The following RPS6KC1 variants were observed in gnomAD, a reference collection of about 807,000 sequenced individuals.
RPS6KC1 encodes the protein inactive ribosomal protein S6 kinase delta-1.
A neutral mutation model predicts 103.8 loss-of-function variants in RPS6KC1; 54 were observed. The observed-to-expected ratio is 0.52, with a 90% CI of 0.42 to 0.65. The LOEUF is 0.65. Ranked by LOEUF, RPS6KC1 falls within the 30% of genes least tolerant of loss-of-function variation. RPS6KC1 has a pLI of 0.00. For synonymous variants in RPS6KC1, 439 were observed against 438.7 expected (o/e 1.00, Z -0.01); for missense variants, 1,151 against 1,253.8 (o/e 0.92, Z 1.24).
the RPS6KC1 span, among the ~76,000 whole-genome samples, chr1:213,436,372 T>C: frequency 6.6e-6 from 1 of 151,898 alleles, no homozygotes; most frequent in South Asian, 2.1e-4. Flanking sequence ...AACTCTGTGA[T>C]AGAATTATAA....
chr1:213,367,011 A>G, the RPS6KC1 span, among the ~76,000 whole-genome samples: 2 of 152,220 alleles, frequency 1.3e-5, no homozygotes, highest in Non-Finnish European at 2.9e-5. Context: ...TCACCAGGCT[A>G]AACATCAGCA....
the RPS6KC1 span, among the ~76,000 whole-genome samples, chr1:213,602,861 G>T: frequency 1.4e-4 from 21 of 152,316 alleles, no homozygotes; most frequent in South Asian, 4.4e-3. Flanking sequence ...GAGAGAGCAA[G>T]AGGTACCCTT....
At chr1:213,235,969 G>C (rs1031729371) in intron 10 of RPS6KC1, among the ~76,000 whole-genome samples, 2 of 150,804 alleles carry the variant, frequency 1.3e-5, no homozygotes, top group Non-Finnish European at 3.0e-5. Flanking sequence ...GGGGTCTCCG[G>C]GCCACAGACG....
At chr1:213,663,032 A>G in the RPS6KC1 span, among the ~76,000 whole-genome samples, 4 of 152,194 alleles carry the variant, frequency 2.6e-5, no homozygotes, top group Non-Finnish European at 5.9e-5. Flanking sequence ...GAGATTTATT[A>G]TAGGCTGCAA....
chr1:213,772,769 G>C, the RPS6KC1 span, among the ~76,000 whole-genome samples: 2 of 152,162 alleles, frequency 1.3e-5, no homozygotes, highest in Non-Finnish European at 1.5e-5. Flanking sequence ...ACATCTTCTT[G>C]ATGGGTGGAT....
At chr1:213,117,831 G>A (rs1026749612) in intron 5 of RPS6KC1, among the ~76,000 whole-genome samples, 8 of 151,066 alleles carry the variant, frequency 5.3e-5, no homozygotes, top group South Asian at 2.1e-4. Flanking sequence ...GAGACCAGCC[G>A]AGCCAACGTG....
At chr1:213,384,275 C>CAAAAAA in the RPS6KC1 span, among the ~76,000 whole-genome samples, 1 of 144,916 alleles carries the variant, frequency 6.9e-6, no homozygotes, top group African/African-American at 2.7e-5. Context: ...GACTCCATCT[C>CAAAAAA]AAAAAAAAAT....
the RPS6KC1 span, among the ~76,000 whole-genome samples, chr1:213,798,721 C>G: frequency 6.6e-6 from 1 of 152,180 alleles, no homozygotes; most frequent in African/African-American, 2.4e-5. Context: ...TTTGAAATTT[C>G]AGCAGTTCTG....
the RPS6KC1 span, among the ~76,000 whole-genome samples, chr1:213,681,017 C>G: frequency 6.6e-6 from 1 of 152,222 alleles, no homozygotes; most frequent in Non-Finnish European, 1.5e-5. Context: ...AGTGCACAGA[C>G]AGACAGACCA....
chr1:213,689,571 A>G, the RPS6KC1 span, among the ~76,000 whole-genome samples: 1 of 152,178 alleles, frequency 6.6e-6, no homozygotes, highest in Non-Finnish European at 1.5e-5. Context: ...ATTCCATTCT[A>G]TTAAACTCAG....
the RPS6KC1 span, among the ~76,000 whole-genome samples, chr1:213,425,908 C>G: frequency 6.6e-6 from 1 of 152,108 alleles, no homozygotes; most frequent in Non-Finnish European, 1.5e-5. Flanking sequence ...GGAGGCTTCC[C>G]GTGGCCTCTG....
intron 4 of RPS6KC1, among the ~76,000 whole-genome samples, chr1:213,105,943 A>C (rs905535464): frequency 1.3e-5 from 2 of 152,246 alleles, no homozygotes; most frequent in African/African-American, 4.8e-5. Context: ...GGCTAAAAAA[A>C]ATTAGGGATT....
the RPS6KC1 span, among the ~76,000 whole-genome samples, chr1:213,384,503 C>T: frequency 5.3e-5 from 8 of 151,760 alleles, no homozygotes; most frequent in African/African-American, 1.7e-4. Context: ...GTGCAGTGGT[C>T]GGAGGCTTGC....
intron 6 of RPS6KC1, among the ~76,000 whole-genome samples, chr1:213,150,990 G>A (rs1309779753): frequency 5.2e-5 from 4 of 76,382 alleles, no homozygotes; most frequent in Non-Finnish European, 1.1e-4. Context: ...GCCGGGCAGG[G>A]GGCTGACCCC....
At chr1:213,820,382 C>A in the RPS6KC1 span, 1 of 152,240 alleles carries the variant, frequency 6.6e-6, no homozygotes, top group Admixed American at 6.5e-5. Context: ...GAAAGTAAGA[C>A]AAATTGAGCT....
chr1:213,176,100 A>G (rs1038670573), intron 7 of RPS6KC1, among the ~76,000 whole-genome samples: 2 of 152,186 alleles, frequency 1.3e-5, no homozygotes, highest in Non-Finnish European at 2.9e-5. Context: ...TGATAGCTGT[A>G]TGGTCTGAAT....
the RPS6KC1 span, among the ~76,000 whole-genome samples, chr1:213,409,304 A>G: frequency 6.6e-6 from 1 of 152,004 alleles, no homozygotes; most frequent in Non-Finnish European, 1.5e-5. Context: ...CGTTGTGGGG[A>G]TGCCGTGACA....
chr1:213,369,687 T>A, the RPS6KC1 span, among the ~76,000 whole-genome samples: 1 of 152,254 alleles, frequency 6.6e-6, no homozygotes. Context: ...CTGATCAAAT[T>A]AACTGGATAA....
the RPS6KC1 span, among the ~76,000 whole-genome samples, chr1:213,786,388 C>A: frequency 6.6e-6 from 1 of 152,166 alleles, no homozygotes; most frequent in East Asian, 1.9e-4. Flanking sequence ...TTCCATATCT[C>A]TGTAGTCCCC....
Sources: gnomAD v4.1 joint callset for allele counts (sites outside exome capture counted in the v4.1 genomes callset) on GRCh38, gnomAD v4.1.1 for gene constraint, MANE v1.5 for transcripts, NCBI Gene and HGNC (gene_info 2026-07-23, HGNC 2026-07-21) for gene names.